Variants in AGBL3 observed in about 807,000 individuals in gnomAD.
AGBL3 encodes AGBL carboxypeptidase 3, also known as cytosolic carboxypeptidase 3.
In AGBL3, 68 loss-of-function variants were observed where a neutral mutation model predicts 94.5. That is an observed-to-expected ratio of 0.72 (90% CI 0.59 to 0.88). The LOEUF (loss-of-function observed/expected upper bound fraction) is 0.88, where lower values mean the gene tolerates loss of function less well. AGBL3 is among the 40% of genes least tolerant of loss of function. AGBL3 has a pLI of 0.00. For missense variants in AGBL3, 934 were observed against 1,103.8 expected (o/e 0.85, Z 2.18); for synonymous variants, 354 against 370.7 (o/e 0.95, Z 0.52).
chr7:135,066,474 G>A (rs1819315295), intron 12 of AGBL3, among the ~76,000 whole-genome samples: 1 of 152,172 alleles, frequency 6.6e-6, no homozygotes, highest in Admixed American at 6.5e-5. Flanking sequence ...AATTGTGTTT[G>A]CAAGGATGTG....
intron 15 of AGBL3, among the ~76,000 whole-genome samples, chr7:135,108,495 G>T (rs1825110303): frequency 6.6e-6 from 1 of 152,116 alleles, no homozygotes; most frequent in Non-Finnish European, 1.5e-5. Flanking sequence ...GGAATTCTGG[G>T]TTCAAAATTT....
chr7:134,993,880 A>G (rs1365279519), intron 4 of AGBL3, among the ~76,000 whole-genome samples: 2 of 152,236 alleles, frequency 1.3e-5, no homozygotes, highest in African/African-American at 4.8e-5. Flanking sequence ...TTAAAAATGG[A>G]TTTTATTTAA....
chr7:135,122,025 G>T (rs898372778), intron 16 of AGBL3, among the ~76,000 whole-genome samples: 1 of 152,214 alleles, frequency 6.6e-6, no homozygotes, highest in African/African-American at 2.4e-5. Flanking sequence ...GCTCCCCAGG[G>T]GAGGCATGAC....
At chr7:135,034,970 C>A (rs1816158004) in intron 7 of AGBL3, 42 bp downstream of exon 7, 1 of 1,428,670 alleles carries the variant, frequency 7.0e-7, no homozygotes, top group Non-Finnish European at 9.2e-7. Context: ...ATTTAGTAAA[C>A]TTGGTAGTAA....
chr7:134,997,192 G>C (rs1441460772), intron 4 of AGBL3, among the ~76,000 whole-genome samples: 1 of 152,088 alleles, frequency 6.6e-6, no homozygotes, highest in Non-Finnish European at 1.5e-5. Context: ...TTCACAATAG[G>C]GCTTGTGCTC....
intron 12 of AGBL3, among the ~76,000 whole-genome samples, chr7:135,075,785 G>GTTA (rs1820388731): frequency 6.6e-6 from 1 of 152,200 alleles, no homozygotes; most frequent in African/African-American, 2.4e-5. Context: ...TGACAAGTGC[G>GTTA]TTATCTCATT....
At chr7:135,105,070 G>GTTTTTT (rs71172498) in intron 15 of AGBL3, among the ~76,000 whole-genome samples, 1 of 127,078 alleles carries the variant, frequency 7.9e-6, no homozygotes, top group African/African-American at 3.0e-5. Flanking sequence ...TTACATTCAA[G>GTTTTTT]TTTTTTTTTT....
At position 135,044,126 on chromosome 7, in the gene AGBL3, G is replaced by A. The variant is rs1817127437; in HGVS notation, c.1602G>A (p.Glu534=). 1 of 1,550,410 alleles carries A rather than the reference G, an allele frequency of 6.4e-7. No individual in the cohort carries two copies. Among genetic ancestry groups the A allele is most frequent in the South Asian group, 1.2e-5 (1 of 83,992 alleles). ...KMGIRNSFTM[E]ATFCGSTLGN... ...GAATCAGGAACAGCTTTACCATGGAGGCCACCTTCTGTGGATCTACTCTGG... is the reference window on the plus strand; with the variant it reads ...GAATCAGGAACAGCTTTACCATGGAAGCCACCTTCTGTGGATCTACTCTGG... Residue 534 remains glutamate, a synonymous_variant, in exon 9 of 17, where the codon GAG becomes GAA. Coordinates refer to ENST00000436302, the MANE Select transcript of AGBL3 (RefSeq NM_178563.4).
intron 4 of AGBL3, among the ~76,000 whole-genome samples, chr7:135,004,282 G>C (rs1306031848): frequency 6.6e-6 from 1 of 151,678 alleles, no homozygotes; most frequent in African/African-American, 2.4e-5. Context: ...TTGAAATAAA[G>C]TGCAGTTAGT....
intron 16 of AGBL3, among the ~76,000 whole-genome samples, chr7:135,126,699 C>T (rs1009925398): frequency 2.0e-5 from 3 of 152,178 alleles, no homozygotes; most frequent in African/African-American, 7.2e-5. Flanking sequence ...GAACGGAGAC[C>T]TCAGAAATAA....
chr7:135,017,570 A>G (rs932821719), intron 5 of AGBL3, among the ~76,000 whole-genome samples: 2 of 152,216 alleles, frequency 1.3e-5, no homozygotes, highest in Non-Finnish European at 1.5e-5. Flanking sequence ...ATAATCTTTA[A>G]AAGAGAAACA....
chr7:135,054,353 A>C (rs968673265), intron 11 of AGBL3, among the ~76,000 whole-genome samples: 2 of 152,262 alleles, frequency 1.3e-5, no homozygotes, highest in Non-Finnish European at 2.9e-5. Context: ...TTTCCAAATG[A>C]AACTTAAATT....
In AGBL3 at chr7:135,015,486, G is replaced by GT. The variant is rs1217361525; in HGVS notation, c.311-1565dup. On this transcript the variant is annotated intron_variant, in intron 4 of 16. Transcript: ENST00000436302. ...CGTAAAGAACAATTTTAGTGGAACA[G>GT]TGGATATGGGTATCAGAAGTGGGTT... Among the ~76,000 whole-genome samples, 20 of 152,108 alleles carry GT rather than the reference G, an allele frequency of 1.3e-4. 1 individual carries two copies. The highest frequency in any genetic ancestry group is 4.8e-4 in the African/African-American group (20 of 41,416).
intron 9 of AGBL3, among the ~76,000 whole-genome samples, chr7:135,044,910 G>A (rs1817211790): frequency 7.0e-5 from 1 of 14,192 alleles, no homozygotes; most frequent in Non-Finnish European, 4.0e-4. Flanking sequence ...TCCCCTTACT[G>A]TGTCCATGTG....
chr7:135,008,537 G>T (rs934011628), intron 4 of AGBL3, among the ~76,000 whole-genome samples: 8 of 151,640 alleles, frequency 5.3e-5, no homozygotes, highest in Admixed American at 2.0e-4. Flanking sequence ...ACCCTTACAA[G>T]GAAACATAGA....
intron 16 of AGBL3, among the ~76,000 whole-genome samples, chr7:135,131,841 A>T (rs1828822890): frequency 6.6e-6 from 1 of 152,142 alleles, no homozygotes; most frequent in Non-Finnish European, 1.5e-5. Flanking sequence ...AATTACTAAC[A>T]TGAGGAATGA....
intron 15 of AGBL3, among the ~76,000 whole-genome samples, chr7:135,111,940 C>T (rs969954030): frequency 5.3e-5 from 8 of 152,136 alleles, no homozygotes; most frequent in South Asian, 2.1e-4. Context: ...TCTGTTTTTC[C>T]GCACAGGCAC....
intron 2 of AGBL3, among the ~76,000 whole-genome samples, chr7:134,988,710 T>C (rs1486311444): frequency 6.6e-6 from 1 of 152,088 alleles, no homozygotes; most frequent in Non-Finnish European, 1.5e-5. Context: ...CGATCTCGGC[T>C]CACTGCAACC....
At chr7:135,002,404 C>T (rs1811826364) in intron 4 of AGBL3, among the ~76,000 whole-genome samples, 1 of 152,120 alleles carries the variant, frequency 6.6e-6, no homozygotes, top group African/African-American at 2.4e-5. Flanking sequence ...GGAAGCTCAT[C>T]CAGCCTCGGT....
Sources: gnomAD v4.1 joint callset for allele counts (sites outside exome capture counted in the v4.1 genomes callset) on GRCh38, gnomAD v4.1.1 for gene constraint, MANE v1.5 for transcripts, NCBI Gene and HGNC (gene_info 2026-07-23, HGNC 2026-07-21) for gene names.